The following PAG1 variants were observed in gnomAD, a reference collection of about 807,000 sequenced individuals.
PAG1 encodes the protein phosphoprotein membrane anchor with glycosphingolipid microdomains 1, also known as phosphoprotein associated with glycosphingolipid-enriched microdomains 1.
In PAG1, 23 loss-of-function variants were observed where a neutral mutation model predicts 31.7. The ratio of observed to expected loss-of-function variants is 0.73; its 90% CI spans 0.52 to 1.03. The LOEUF (loss-of-function observed/expected upper bound fraction) is 1.03. Among genes scored for constraint, PAG1 ranks in the 50% least tolerant of loss-of-function variants. The pLI, the probability that PAG1 is intolerant of heterozygous loss-of-function variation, is 0.00. For synonymous variants in PAG1, 214 were observed against 210.3 expected (o/e 1.02, Z -0.15); for missense variants, 473 against 540.7 (o/e 0.87, Z 1.24).
chr8:81,063,287 A>G (rs1808947559), intron 2 of PAG1, among the ~76,000 whole-genome samples: 1 of 152,308 alleles, frequency 6.6e-6, no homozygotes, highest in East Asian at 1.9e-4. Flanking sequence ...TTTTATTCCT[A>G]AAGTGGCAGG....
chr8:81,104,828 T>C (rs1809666441), intron 1 of PAG1, among the ~76,000 whole-genome samples: 1 of 152,134 alleles, frequency 6.6e-6, no homozygotes, highest in African/African-American at 2.4e-5. Flanking sequence ...ACCCCATCCA[T>C]TCTGTGTAAT....
At chr8:81,062,212 C>T (rs1808930221) in intron 2 of PAG1, among the ~76,000 whole-genome samples, 1 of 152,202 alleles carries the variant, frequency 6.6e-6, no homozygotes, top group South Asian at 2.1e-4. Flanking sequence ...TTCTCATATA[C>T]TCAGGAGGCA....
intron 1 of PAG1, among the ~76,000 whole-genome samples, chr8:81,089,847 A>G (rs543399792): frequency 6.6e-6 from 1 of 152,316 alleles, no homozygotes; most frequent in Admixed American, 6.5e-5. Context: ...GTCTCCCAGC[A>G]TGCTCATTTA....
intron 3 of PAG1, among the ~76,000 whole-genome samples, chr8:80,995,114 T>G (rs1303959492): frequency 6.6e-6 from 1 of 152,226 alleles, no homozygotes; most frequent in Non-Finnish European, 1.5e-5. Flanking sequence ...GGTGAAACAC[T>G]GTCACATTTA....
intron 2 of PAG1, among the ~76,000 whole-genome samples, chr8:81,043,171 C>T (rs1048771360): frequency 2.0e-5 from 3 of 152,126 alleles, no homozygotes; most frequent in Admixed American, 6.5e-5. Context: ...CCCCACTGTT[C>T]ACCACATTCG....
chr8:81,000,896 A>G (rs529064871), intron 3 of PAG1, among the ~76,000 whole-genome samples: 19 of 152,244 alleles, frequency 1.2e-4, no homozygotes, highest in African/African-American at 4.6e-4. Context: ...TAATCTCACC[A>G]TGTCCCCAAG....
chr8:81,090,324 T>C (rs919445306), intron 1 of PAG1, among the ~76,000 whole-genome samples: 6 of 152,244 alleles, frequency 3.9e-5, no homozygotes, highest in Non-Finnish European at 7.3e-5. Context: ...TGATGCTTTC[T>C]ATATATTAGC....
chr8:81,021,165 C>G (rs1391504999), intron 3 of PAG1, among the ~76,000 whole-genome samples: 2 of 152,186 alleles, frequency 1.3e-5, no homozygotes, highest in Non-Finnish European at 2.9e-5. Flanking sequence ...TTTTGCCAGC[C>G]TTTGCTATAG....
chr8:81,060,995 A>T (rs1048667409), intron 2 of PAG1, among the ~76,000 whole-genome samples: 1 of 152,216 alleles, frequency 6.6e-6, no homozygotes, highest in African/African-American at 2.4e-5. Context: ...ATTCATACAC[A>T]TTCCAAATTA....
At chr8:81,052,529 G>T (rs1385396817) in intron 2 of PAG1, among the ~76,000 whole-genome samples, 1 of 152,192 alleles carries the variant, frequency 6.6e-6, no homozygotes, top group Admixed American at 6.5e-5. Flanking sequence ...TAATTTGACA[G>T]TGATTGAGCT....
intron 1 of PAG1, among the ~76,000 whole-genome samples, chr8:81,092,281 C>A (rs58665999): frequency 0.01 from 1,487 of 148,396 alleles, 28 homozygotes; most frequent in African/African-American, 0.034. Context: ...CTACTTGAGG[C>A]GCTGAGGCGG....
intron 2 of PAG1, among the ~76,000 whole-genome samples, chr8:81,032,613 C>A (rs774792688): frequency 3.9e-5 from 6 of 152,176 alleles, no homozygotes; most frequent in Non-Finnish European, 8.8e-5. Context: ...GAACCCCATG[C>A]CCTGCTGATG....
intron 1 of PAG1, among the ~76,000 whole-genome samples, chr8:81,070,856 C>A (rs1051727384): frequency 6.6e-6 from 1 of 152,036 alleles, no homozygotes; most frequent in Non-Finnish European, 1.5e-5. Context: ...AATCTCAAAT[C>A]GAAAATTCTG....
rs1189865853 is a variant in PAG1, at chr8:80,970,778, G to T, written c.*5766C>A. The T allele has an allele frequency of 6.5e-6, 1 of 153,150 alleles. No homozygotes were observed. Among genetic ancestry groups the T allele is most frequent in the Non-Finnish European group, 1.5e-5 (1 of 68,200 alleles). 9.5% of individuals were successfully genotyped at this position (153,150 alleles called of 1,614,324 possible). On this transcript the variant is annotated 3_prime_UTR_variant, in exon 9 of 9. Coordinates refer to ENST00000220597, the MANE Select transcript of PAG1 (RefSeq NM_018440.4). The stretch of plus-strand genomic sequence containing the variant: ...AGCACCAGCATCTGCCGCCCTAGGT[G>T]GACCTGTGGCCTCATCTTGGCAGCC...
intron 1 of PAG1, among the ~76,000 whole-genome samples, chr8:81,093,890 C>T (rs2131078465): frequency 6.6e-6 from 1 of 152,282 alleles, no homozygotes; most frequent in Admixed American, 6.5e-5. Flanking sequence ...GCCTGCCTTG[C>T]CCTGGTCAAT....
intron 3 of PAG1, among the ~76,000 whole-genome samples, chr8:80,994,070 T>TCATCTCC (rs1366019419): frequency 6.6e-6 from 1 of 151,924 alleles, no homozygotes; most frequent in Non-Finnish European, 1.5e-5. Flanking sequence ...CTGCCATCTC[T>TCATCTCC]CATCTCCCTA....
chr8:81,049,257 CCTAAT>C (rs1183498545), intron 2 of PAG1, among the ~76,000 whole-genome samples: 9 of 152,078 alleles, frequency 5.9e-5, no homozygotes, highest in African/African-American at 1.9e-4. Flanking sequence ...TGATATATGC[CCTAAT>C]CTAATTTCCA....
chr8:81,086,284 C>A (rs1443871034), intron 1 of PAG1, among the ~76,000 whole-genome samples: 2 of 152,072 alleles, frequency 1.3e-5, no homozygotes, highest in Non-Finnish European at 2.9e-5. Flanking sequence ...CCCGGCCAAT[C>A]TGGCTTGTTT....
At chr8:81,023,855 A>G (rs1050106017) in intron 3 of PAG1, among the ~76,000 whole-genome samples, 1 of 152,184 alleles carries the variant, frequency 6.6e-6, no homozygotes, top group African/African-American at 2.4e-5. Flanking sequence ...TTTAGGAAAT[A>G]AAACATTATC....
Sources: allele counts gnomAD v4.1 joint callset (sites outside exome capture counted in the v4.1 genomes callset), GRCh38; gene constraint gnomAD v4.1.1; transcripts MANE v1.5; gene names NCBI Gene and HGNC (gene_info 2026-07-23, HGNC 2026-07-21).